Variants in EVI5 observed in about 807,000 individuals in gnomAD.
EVI5 encodes ecotropic viral integration site 5 protein homolog.
A neutral mutation model predicts 112.0 loss-of-function variants in EVI5; 73 were observed. The observed-to-expected ratio is 0.65, with a 90% confidence interval of 0.54 to 0.79. EVI5 has a LOEUF of 0.79. Among genes scored for constraint, EVI5 ranks in the 30% least tolerant of loss-of-function variants. EVI5 has a pLI of 0.00. For missense variants in EVI5, 900 were observed against 968.8 expected, an observed-to-expected ratio of 0.93 and a Z score of 0.94; for synonymous variants, 305 against 319.9, an observed-to-expected ratio of 0.95 and a Z score of 0.50.
chr1:92,600,359 G>A (rs1648860082), intron 18 of EVI5, among the ~76,000 whole-genome samples: 1 of 151,508 alleles, frequency 6.6e-6, no homozygotes, highest in Non-Finnish European at 1.5e-5. Flanking sequence ...CTTAACCTTG[G>A]TTAGAAGTTT....
chr1:92,632,694 G>A (rs989827674), intron 14 of EVI5, among the ~76,000 whole-genome samples: 2 of 152,060 alleles, frequency 1.3e-5, no homozygotes, highest in African/African-American at 2.4e-5. Flanking sequence ...TCCGATCTTA[G>A]TTATTTCTTG....
chr1:92,676,855 T>C (rs74101307), intron 10 of EVI5, among the ~76,000 whole-genome samples: 2,953 of 152,238 alleles, frequency 0.019, 91 homozygotes, highest in African/African-American at 0.066. Flanking sequence ...TTATTATAGA[T>C]TGTCTTCTCT....
intron 19 of EVI5, among the ~76,000 whole-genome samples, chr1:92,544,153 G>T (rs143813768): frequency 2.3e-3 from 354 of 152,298 alleles, no homozygotes; most frequent in African/African-American, 7.2e-3. Context: ...GTAGATTAGT[G>T]GGTTGCCTAG....
chr1:92,638,519 T>C (rs1659336984), intron 13 of EVI5, among the ~76,000 whole-genome samples: 1 of 152,138 alleles, frequency 6.6e-6, no homozygotes, highest in Admixed American at 6.5e-5. Flanking sequence ...GAACTATAAA[T>C]TACCTGAAGC....
chr1:92,595,704 C>T (rs1432733022), intron 18 of EVI5, among the ~76,000 whole-genome samples: 2 of 152,032 alleles, frequency 1.3e-5, no homozygotes, highest in African/African-American at 2.4e-5. Flanking sequence ...ATATATATGT[C>T]GGGGTAACTG....
At chr1:92,596,559 T>C (rs972847553) in intron 18 of EVI5, among the ~76,000 whole-genome samples, 3 of 152,192 alleles carry the variant, frequency 2.0e-5, no homozygotes, top group African/African-American at 4.8e-5. Flanking sequence ...ATAAGCTCTA[T>C]ATTTCCAAAT....
intron 14 of EVI5, among the ~76,000 whole-genome samples, chr1:92,628,301 C>T (rs1656136880): frequency 6.6e-6 from 1 of 152,220 alleles, no homozygotes; most frequent in African/African-American, 2.4e-5. Flanking sequence ...CTGACTGTTC[C>T]TTTCTCCGTG....
At chr1:92,622,258 G>C in intron 16 of EVI5, 1 of 415,972 alleles carries the variant, frequency 2.4e-6, no homozygotes, top group Non-Finnish European at 4.8e-6. Flanking sequence ...TACCTCAGTA[G>C]AAGTGGCTTC....
chr1:92,580,645 T>A (rs1671797733), intron 18 of EVI5: 1 of 191,472 alleles, frequency 5.2e-6, no homozygotes, highest in Non-Finnish European at 1.2e-5. Flanking sequence ...TTGTGTTTTA[T>A]CTTGCTTGCC....
intron 10 of EVI5, among the ~76,000 whole-genome samples, chr1:92,670,297 TC>T (rs1362052596): frequency 6.6e-6 from 1 of 152,150 alleles, no homozygotes; most frequent in Non-Finnish European, 1.5e-5. Context: ...AACCCACTCT[TC>T]AATCACTATT....
At chr1:92,736,261 CA>C in intron 2 of EVI5, 136 bp downstream of exon 2, 1 of 611,116 alleles carries the variant, frequency 1.6e-6, no homozygotes, top group Non-Finnish European at 2.9e-6. Context: ...AATCTCCCCC[CA>C]AAAAAGATGA....
intron 10 of EVI5, among the ~76,000 whole-genome samples, chr1:92,666,908 A>T (rs1665002594): frequency 6.6e-6 from 1 of 152,238 alleles, no homozygotes; most frequent in Non-Finnish European, 1.5e-5. Flanking sequence ...TACCTCCAAC[A>T]GAGCCTACCT....
At chr1:92,694,866 T>C (rs1294934335) in intron 7 of EVI5, among the ~76,000 whole-genome samples, 2 of 152,162 alleles carry the variant, frequency 1.3e-5, no homozygotes, top group African/African-American at 2.4e-5. Flanking sequence ...CAACCTGCAA[T>C]GTGTTCATAG....
intron 1 of EVI5, among the ~76,000 whole-genome samples, chr1:92,791,223 G>A (rs1686069707): frequency 6.6e-6 from 1 of 152,202 alleles, no homozygotes; most frequent in Admixed American, 6.5e-5. Context: ...GGTGGAACTA[G>A]AGGTAGTAAC....
At chr1:92,675,931 G>A (rs1021568780) in intron 10 of EVI5, among the ~76,000 whole-genome samples, 3 of 150,182 alleles carry the variant, frequency 2.0e-5, no homozygotes, top group African/African-American at 7.4e-5. Context: ...ACTCCAGCCT[G>A]GGCGATACAG....
At chr1:92,711,968 C>T (rs1244001587) in intron 2 of EVI5, among the ~76,000 whole-genome samples, 1 of 152,106 alleles carries the variant, frequency 6.6e-6, no homozygotes, top group Non-Finnish European at 1.5e-5. Flanking sequence ...GAGGCCTTTA[C>T]GGGCCCTCAC....
At chr1:92,635,953 G>T (rs1422442003) in intron 14 of EVI5, among the ~76,000 whole-genome samples, 1 of 152,038 alleles carries the variant, frequency 6.6e-6, no homozygotes, top group East Asian at 1.9e-4. Flanking sequence ...AAATTATTCT[G>T]GTCGTTTTCC....
intron 1 of EVI5, among the ~76,000 whole-genome samples, chr1:92,739,273 CA>C (rs72016918): frequency 0.02 from 1,560 of 76,400 alleles, 25 homozygotes; most frequent in African/African-American, 0.077. Flanking sequence ...AACTCCGTCT[CA>C]AAAAAAAAAA....
chr1:92,674,132 G>A (rs1380566049), intron 10 of EVI5, among the ~76,000 whole-genome samples: 1 of 152,118 alleles, frequency 6.6e-6, no homozygotes, highest in African/African-American at 2.4e-5. Context: ...GGGAGGGAGG[G>A]AGTGTGTGTA....
Sources: gnomAD v4.1 joint callset for allele counts (sites outside exome capture counted in the v4.1 genomes callset) on GRCh38, gnomAD v4.1.1 for gene constraint, MANE v1.5 for transcripts, NCBI Gene and HGNC (gene_info 2026-07-23, HGNC 2026-07-21) for gene names.